DOCK11: variants seen among roughly 807,000 people sequenced by gnomAD.
DOCK11 encodes the protein dedicator of cytokinesis protein 11.
Under a neutral mutation model 169.1 loss-of-function variants are expected in DOCK11, and 70 were observed. The ratio of observed to expected loss-of-function variants is 0.41; its 90% CI spans 0.34 to 0.51. DOCK11 has a LOEUF of 0.51. Among genes scored for constraint, DOCK11 ranks in the 20% least tolerant of loss-of-function variants. The probability of loss-of-function intolerance (pLI) is 0.10; values close to 1 mark genes in which losing one functional copy is unlikely to be tolerated. For missense variants in DOCK11, 1,166 were observed against 1,538.8 expected, an observed-to-expected ratio of 0.76 and a Z score of 4.05; for synonymous variants, 529 against 541.3, an observed-to-expected ratio of 0.98 and a Z score of 0.32.
At position 118,654,688 on chromosome X, in the gene DOCK11, G is replaced by A. The variant is rs745317603; in HGVS notation, c.4782G>A (p.Glu1594=). Residue 1594 remains glutamate, a synonymous_variant, in exon 43 of 53, where the codon GAG becomes GAA. Transcript: ENST00000276202. The part of the protein sequence containing the change: ...LMATAQMKEH[E]KDPEMLIDLQ... ...CCACTGCCCAAATGAAGGAGCATGAGAAAGACCCTGAAATGCTAATTGATC... is the reference window on the plus strand; with the variant it reads ...CCACTGCCCAAATGAAGGAGCATGAAAAAGACCCTGAAATGCTAATTGATC... The A allele has an allele frequency of 9.1e-6, 11 of 1,209,881 alleles. No homozygotes were observed. In the Middle Eastern group the frequency reaches 9.2e-4, roughly 101 times the overall value.
At chrX:118,648,015 A>AATAAT (rs1188037368) in intron 40 of DOCK11, among the ~76,000 whole-genome samples, 6 of 53,349 alleles carry the variant, frequency 1.1e-4, no homozygotes, top group African/African-American at 1.5e-4. Flanking sequence ...TATAATATAT[A>AATAAT]ATATAAATTA....
intron 6 of DOCK11, among the ~76,000 whole-genome samples, chrX:118,555,562 GAA>G (rs150006034): frequency 9.4e-4 from 89 of 94,948 alleles, no homozygotes; most frequent in African/African-American, 3.4e-3. Flanking sequence ...ATCTTGAAAA[GAA>G]AAAAAAAAAA....
At chrX:118,538,776 A>C (rs1218899416) in intron 1 of DOCK11, 2 of 440,356 alleles carry the variant, frequency 4.5e-6, no homozygotes, top group Non-Finnish European at 5.7e-6. Flanking sequence ...GGCAGAAAGG[A>C]TAAATTACAA....
chrX:118,498,822 C>A (rs1361123495), intron 1 of DOCK11, among the ~76,000 whole-genome samples: 1 of 110,429 alleles, frequency 9.1e-6, no homozygotes, highest in African/African-American at 3.3e-5. Context: ...TAACATCATT[C>A]AGTTTTCCTC....
intron 1 of DOCK11, among the ~76,000 whole-genome samples, chrX:118,516,022 T>TATATATA (rs1477771599): frequency 2.3e-5 from 2 of 88,290 alleles, no homozygotes; most frequent in Non-Finnish European, 4.3e-5. Flanking sequence ...TATATATACA[T>TATATATA]TCTTACACCA....
At chrX:118,574,158 C>G in intron 12 of DOCK11, 140 bp downstream of exon 12, 1 of 687,910 alleles carries the variant, frequency 1.5e-6, no homozygotes, top group South Asian at 3.4e-5. Flanking sequence ...TTTCTGGTTA[C>G]TGAAGTTTGA....
intron 1 of DOCK11, among the ~76,000 whole-genome samples, chrX:118,504,149 C>T (rs1235010338): frequency 9.0e-6 from 1 of 111,019 alleles, no homozygotes; most frequent in Non-Finnish European, 1.9e-5. Flanking sequence ...ACCCCCACCC[C>T]AGCCCCCAGT....
At position 118,593,266 on chromosome X, in the gene DOCK11, CTT is replaced by C; in HGVS notation, c.2196_2197del (p.Phe732LeufsTer6). On this transcript the variant is annotated frameshift_variant, in exon 20 of 53. Transcript: ENST00000276202. LOFTEE classifies it high-confidence loss of function. ...CATCAAAAACATCATTTGCTTTTCA[CTT>C]TTTATCATGTAAGTTGTGAAATTAA... The C allele has an allele frequency of 8.3e-7, 1 of 1,205,863 alleles. No individual in the cohort carries two copies. The highest frequency in any genetic ancestry group is 1.1e-6 in the Non-Finnish European group (1 of 892,833).
At position 118,628,247 on chromosome X, in the gene DOCK11, C is replaced by T. The variant is rs2147491023; in HGVS notation, c.3749C>T (p.Pro1250Leu). The change falls in exon 34 of 53, where the codon CCA (proline) becomes CTA (leucine). Residue 1250 changes from proline (P) to leucine (L), a missense_variant. Transcript: ENST00000276202. The stretch of plus-strand genomic sequence containing the variant: ...ATCCCAGAAGGAGCAACAGGATTTC[C>T]AGATCAGGGCAACACTGGTGAAAAT... ...SLIPEGATGFPDQGNTGENTR... is the reference protein window; with the variant it reads ...SLIPEGATGFLDQGNTGENTR... 1 of 1,199,957 alleles carries T rather than the reference C, an allele frequency of 8.3e-7. No homozygotes were observed. The highest frequency in any genetic ancestry group is 1.8e-5 in the South Asian group (1 of 56,458).
rs755297709 is a variant in DOCK11 at position 118,649,083 on chromosome X, T to A, written c.4537T>A (p.Phe1513Ile). ...TTTGTATCTTTTGATGAGAAACAAC[T>A]TTGAGTATACCAAAAGGAAAACCTT... is the stretch of plus-strand genomic sequence containing the variant. ...ALLYLLMRNN[F>I]EYTKRKTFLR... Residue 1513 changes from phenylalanine (F) to isoleucine (I), a missense_variant, in exon 41 of 53, where the codon TTT (phenylalanine) becomes ATT (isoleucine). Physicochemically the swap from Phe to Ile is conservative, Grantham distance 21. Coordinates refer to ENST00000276202, the MANE Select transcript of DOCK11 (RefSeq NM_144658.4). The A allele has an allele frequency of 8.3e-7, 1 of 1,206,160 alleles. No individual in the cohort carries two copies. Among genetic ancestry groups the A allele is most frequent in the African/African-American group, 1.7e-5 (1 of 57,455 alleles).
intron 1 of DOCK11, among the ~76,000 whole-genome samples, chrX:118,542,522 G>A (rs6645500): frequency 0.055 from 2,292 of 41,678 alleles, 39 homozygotes; most frequent in African/African-American, 0.13. Flanking sequence ...GTGTGTGTTT[G>A]TGTGTGTGTG....
chrX:118,553,757 A>G lies in DOCK11; in HGVS notation c.559-7626A>G, dbSNP rs759312048. On this transcript the variant is annotated intron_variant, in intron 6 of 52. Coordinates refer to ENST00000276202, the MANE Select transcript of DOCK11 (RefSeq NM_144658.4). Reference sequence around the variant, plus strand: ...TCAAGGTCACTATGTGTGTTAGAACAAAAGGAAGAGAAAATATTTTATTTT... The same window carrying G: ...TCAAGGTCACTATGTGTGTTAGAACGAAAGGAAGAGAAAATATTTTATTTT... Among the ~76,000 whole-genome samples the G allele has an allele frequency of 2.9e-3, 331 of 112,277 alleles. 1 individual carries two copies. Among genetic ancestry groups the G allele is most frequent in the Non-Finnish European group, 5.1e-3 (269 of 53,255 alleles).
In DOCK11 at chrX:118,599,172, C is replaced by T; in HGVS notation, c.2506C>T (p.Gln836Ter). Residue 836 changes from glutamine to a stop codon, truncating the protein, a stop_gained, in exon 23 of 53, where the codon CAG (glutamine) becomes TAG (stop). Coordinates refer to ENST00000276202, the MANE Select transcript of DOCK11 (RefSeq NM_144658.4). LOFTEE classifies it high-confidence loss of function. ...LHVHKFFHHCQLIQSGSKEVP... is the reference protein window; with the variant it reads ...LHVHKFFHHC ...TGTGCACAAATTCTTCCATCATTGC[C>T]AGCTGATTCAGTCAGGCTCGAAAGA... 4 of 1,210,626 alleles carry T rather than the reference C, an allele frequency of 3.3e-6. No individual in the cohort carries two copies. The highest frequency in any genetic ancestry group is 4.5e-6 in the Non-Finnish European group (4 of 894,762).
At chrX:118,512,394 A>G (rs779514324) in intron 1 of DOCK11, among the ~76,000 whole-genome samples, 1 of 112,103 alleles carries the variant, frequency 8.9e-6, no homozygotes, top group South Asian at 3.7e-4. Context: ...GTGCAGCCGT[A>G]TATTTTTAGA....
At chrX:118,577,946 A>G (rs1260394057) in intron 12 of DOCK11, among the ~76,000 whole-genome samples, 1 of 111,777 alleles carries the variant, frequency 8.9e-6, no homozygotes, top group Non-Finnish European at 1.9e-5. Flanking sequence ...CCTGTTCCAC[A>G]TGCATTCAAA....
In DOCK11 at chrX:118,496,064, C is replaced by G. The variant is rs892636590; in HGVS notation, c.93C>G (p.Ser31=). The change falls in exon 1 of 53, where the codon TCC becomes TCG. Residue 31 remains serine, a synonymous_variant. Coordinates refer to ENST00000276202, the MANE Select transcript of DOCK11 (RefSeq NM_144658.4). ...GCGTGTCTGAGGCCGTGCGGGGCTC[C>G]GTGGTGCTGGTGAGTGGCCGGGGGA... ...RQSVSEAVRG[S]VVLEKAKVVE... is the part of the protein sequence containing the mutation. The G allele has an allele frequency of 5.5e-5, 58 of 1,050,702 alleles. No homozygotes were observed. In the Middle Eastern group the frequency reaches 8.6e-4, roughly 16 times the overall value. 86.6% of individuals were successfully genotyped at this position (1,050,702 alleles called of 1,213,427 possible).
rs566960151 is a variant in DOCK11, at chrX:118,658,806, T to G, written c.4969+3845T>G. Among the ~76,000 whole-genome samples, 12 of 112,090 alleles carry G rather than the reference T, an allele frequency of 1.1e-4. No homozygotes were observed. The South Asian group carries it at 4.5e-3, about 42-fold the overall frequency. ...AAATTTTCTAGATCACATTCTCCCTTTTTTCTTTTCCTAAGAGAGGGTACA... is the reference window on the plus strand; with the variant it reads ...AAATTTTCTAGATCACATTCTCCCTGTTTTCTTTTCCTAAGAGAGGGTACA... On this transcript the variant is annotated intron_variant, in intron 44 of 52. Transcript: ENST00000276202.
chrX:118,545,294 T>C (rs749519105), intron 4 of DOCK11, 29 bp from the exon 5 acceptor site: 2 of 1,059,905 alleles, frequency 1.9e-6, no homozygotes, highest in Admixed American at 6.2e-5. Flanking sequence ...GTCTTTTTAG[T>C]GTCTAAGACA....
chrX:118,603,025 C>T (rs1018305365), intron 23 of DOCK11, among the ~76,000 whole-genome samples: 2 of 111,568 alleles, frequency 1.8e-5, no homozygotes, highest in African/African-American at 6.5e-5. Flanking sequence ...TTAATGAGAT[C>T]CAACATGACC....
Sources: gnomAD v4.1 joint callset for allele counts (sites outside exome capture counted in the v4.1 genomes callset) on GRCh38, gnomAD v4.1.1 for gene constraint, MANE v1.5 for transcripts, NCBI Gene and HGNC (gene_info 2026-07-23, HGNC 2026-07-21) for gene names.